Variants in SLC30A8 observed in about 807,000 individuals in gnomAD.
SLC30A8 encodes the protein proton-coupled zinc antiporter SLC30A8.
SLC30A8 carries 27 observed loss-of-function variants against 36.9 expected under a neutral mutation model. That is an observed-to-expected ratio of 0.73 (90% confidence interval 0.54 to 1.01). SLC30A8 has a LOEUF of 1.01. SLC30A8 is among the 50% of genes least tolerant of loss of function. The pLI, the probability that SLC30A8 is intolerant of heterozygous loss-of-function variation, is 0.00. For missense variants in SLC30A8, 439 were observed against 452.0 expected (o/e 0.97, Z 0.26); for synonymous variants, 164 against 172.4 (o/e 0.95, Z 0.38).
intron 2 of SLC30A8, among the ~76,000 whole-genome samples, chr8:117,082,895 A>AAGG (rs1354821031): frequency 6.6e-6 from 1 of 152,176 alleles, no homozygotes; most frequent in Admixed American, 6.5e-5. Context: ...GCTGGAAGGA[A>AAGG]AGGAGGCTAA....
intron 3 of SLC30A8, among the ~76,000 whole-genome samples, chr8:117,154,312 C>T (rs975842689): frequency 6.6e-6 from 1 of 152,014 alleles, no homozygotes. Context: ...CTTCTATCAG[C>T]TGGAGGAGGT....
rs552289962 is a variant in SLC30A8 at position 117,034,052 on chromosome 8, C to G, written c.-265-5167C>G. ...TTCCAAGGTCACATAGCTAGTTGTCCTATATACTCAGAAACAGTGTTTCCT... is the reference window on the plus strand; with the variant it reads ...TTCCAAGGTCACATAGCTAGTTGTCGTATATACTCAGAAACAGTGTTTCCT... On this transcript the variant is annotated intron_variant, in intron 1 of 10. Transcript: ENST00000427715. Among the ~76,000 whole-genome samples, 8 of 152,194 alleles carry G rather than the reference C, an allele frequency of 5.3e-5. No individual in the cohort carries two copies. The East Asian group carries it at 1.5e-3, about 29-fold the overall frequency.
At chr8:116,984,879 T>C (rs140679702) in intron 1 of SLC30A8, among the ~76,000 whole-genome samples, 106 of 152,220 alleles carry the variant, frequency 7.0e-4, no homozygotes, top group African/African-American at 2.4e-3. Flanking sequence ...TTATAATTTT[T>C]TTTCTTTTTG....
intron 1 of SLC30A8, among the ~76,000 whole-genome samples, chr8:117,018,407 TAA>T (rs898372790): frequency 1.3e-5 from 2 of 152,224 alleles, no homozygotes; most frequent in Admixed American, 6.5e-5. Flanking sequence ...TTTTTTTTAC[TAA>T]GTCTTCAAAA....
intron 2 of SLC30A8, among the ~76,000 whole-genome samples, chr8:117,108,156 T>G (rs1447632911): frequency 6.6e-6 from 1 of 152,200 alleles, no homozygotes; most frequent in East Asian, 1.9e-4. Flanking sequence ...AAGATAATTA[T>G]CAGCAAGATA....
At chr8:116,975,045 G>A (rs186076301) in intron 1 of SLC30A8, among the ~76,000 whole-genome samples, 3 of 101,024 alleles carry the variant, frequency 3.0e-5, no homozygotes, top group Non-Finnish European at 5.5e-5. Context: ...GGGGTGGGGG[G>A]AGGGGGGAGG....
chr8:117,133,754 A>G (rs764995838), upstream of SLC30A8, among the ~76,000 whole-genome samples: 11 of 152,048 alleles, frequency 7.2e-5, no homozygotes, highest in Non-Finnish European at 1.5e-4. Flanking sequence ...TCGCCTCCAC[A>G]GAATAACTGA....
In SLC30A8 at chr8:117,172,915, ATAGAT is replaced by A; in HGVS notation, c.*237_*241del. On this transcript the variant is annotated 3_prime_UTR_variant, in exon 8 of 8. Transcript: ENST00000456015. ...TGTGTTCAATTGCAGGAATGTGTAT[ATAGAT>A]TATTCCTGAGTGGAGCCGAAGTAAC... is the stretch of plus-strand genomic sequence containing the variant. 1 of 540,320 alleles carries A rather than the reference ATAGAT, an allele frequency of 1.9e-6. No individual in the cohort carries two copies. 33.5% of individuals were successfully genotyped at this position (540,320 alleles called of 1,614,324 possible). A position where few individuals can be genotyped will look rare whatever the true frequency, so the allele number is the denominator to read the frequency against.
chr8:117,067,117 C>G lies in SLC30A8; in HGVS notation c.-226+27859C>G, dbSNP rs137889866. On this transcript the variant is annotated intron_variant, in intron 2 of 10. Transcript: ENST00000427715. ...GGGGAAAAACCCCTTATAAAACCAT[C>G]GAATCTCTTGAGAACGCTCACTATC... 3.3e-5 allele frequency among the ~76,000 whole-genome samples: 5 copies of G among 152,038 alleles called. No homozygotes were observed. The East Asian group carries it at 9.7e-4, about 29-fold the overall frequency.
chr8:117,131,994 C>G (rs1278630211), upstream of SLC30A8, among the ~76,000 whole-genome samples: 1 of 151,864 alleles, frequency 6.6e-6, no homozygotes, highest in Non-Finnish European at 1.5e-5. Context: ...TATATTAAAC[C>G]ACTTCACCAC....
At chr8:117,082,402 G>T (rs1393207085) in intron 2 of SLC30A8, among the ~76,000 whole-genome samples, 1 of 152,150 alleles carries the variant, frequency 6.6e-6, no homozygotes, top group African/African-American at 2.4e-5. Context: ...CACTTTCAAA[G>T]AATTTTAAGG....
intron 1 of SLC30A8, among the ~76,000 whole-genome samples, chr8:116,970,561 T>C (rs1438469097): frequency 6.6e-6 from 1 of 152,172 alleles, no homozygotes; most frequent in Non-Finnish European, 1.5e-5. Context: ...CAGAAACACA[T>C]GAGCAATGTG....
chr8:117,060,250 A>G (rs1398525395), intron 2 of SLC30A8, among the ~76,000 whole-genome samples: 4 of 152,152 alleles, frequency 2.6e-5, no homozygotes, highest in Admixed American at 1.3e-4. Context: ...GTACTCTGAC[A>G]CAGAATAGGG....
intron 1 of SLC30A8, among the ~76,000 whole-genome samples, chr8:116,987,754 G>T (rs928592132): frequency 1.3e-5 from 2 of 152,100 alleles, no homozygotes; most frequent in Non-Finnish European, 2.9e-5. Flanking sequence ...GGAGTGCAGT[G>T]GCACGATCTC....
chr8:117,155,743 A>G (rs973521372), intron 3 of SLC30A8, among the ~76,000 whole-genome samples: 1 of 152,202 alleles, frequency 6.6e-6, no homozygotes. Context: ...GAAGTCTGCA[A>G]TCGGGCGTCA....
intron 7 of SLC30A8, among the ~76,000 whole-genome samples, chr8:117,171,534 A>G (rs1042303244): frequency 2.6e-5 from 4 of 152,104 alleles, no homozygotes; most frequent in Admixed American, 1.3e-4. Context: ...AGTATCTCCT[A>G]TGTATAAGAT....
At chr8:117,015,930 T>A (rs796337939) in intron 1 of SLC30A8, among the ~76,000 whole-genome samples, 4 of 152,094 alleles carry the variant, frequency 2.6e-5, no homozygotes, top group African/African-American at 9.6e-5. Context: ...ACTTGTTGAG[T>A]AGGTTAACTT....
chr8:117,102,307 T>C (rs917526368), intron 2 of SLC30A8, among the ~76,000 whole-genome samples: 7 of 152,226 alleles, frequency 4.6e-5, no homozygotes, highest in Non-Finnish European at 7.3e-5. Flanking sequence ...CTCTAAGAGA[T>C]GTCTTTTAAA....
chr8:117,088,823 T>G (rs1432951984), intron 2 of SLC30A8, among the ~76,000 whole-genome samples: 1 of 152,256 alleles, frequency 6.6e-6, no homozygotes, highest in Non-Finnish European at 1.5e-5. Context: ...TGTATTTGGC[T>G]GACTGTATTA....
Sources: allele counts gnomAD v4.1 joint callset (sites outside exome capture counted in the v4.1 genomes callset), GRCh38; gene constraint gnomAD v4.1.1; transcripts MANE v1.5; gene names NCBI Gene and HGNC (gene_info 2026-07-23, HGNC 2026-07-21).